The following FOXP4 variants were observed in gnomAD, a reference collection of about 807,000 sequenced individuals.
The protein encoded by FOXP4 is forkhead box protein P4.
FOXP4 carries 25 observed loss-of-function variants against 82.6 expected under a neutral mutation model. That is an observed-to-expected ratio of 0.30 (90% CI 0.22 to 0.42). The LOEUF is 0.42. Ranked by LOEUF, FOXP4 falls within the 10% of genes least tolerant of loss-of-function variation. FOXP4 has a pLI of 1.00. For synonymous variants in FOXP4, 415 were observed against 388.2 expected, an observed-to-expected ratio of 1.07 and a Z score of -0.81; for missense variants, 785 against 900.9, an observed-to-expected ratio of 0.87 and a Z score of 1.65.
At chr6:41,574,701 G>A (rs1290751939) in intron 2 of FOXP4, among the ~76,000 whole-genome samples, 2 of 152,180 alleles carry the variant, frequency 1.3e-5, no homozygotes, top group Admixed American at 1.3e-4. Flanking sequence ...ACGTCTCTCT[G>A]AGGTGGGCAG....
Position 41,589,853 on chromosome 6 carries a change from C to T in FOXP4, c.1148C>T (p.Pro383Leu), listed in dbSNP as rs1290474448. 2.5e-6 allele frequency: 4 copies of T among 1,611,164 alleles called. 1 individual carries two copies. Among genetic ancestry groups the T allele is most frequent in the Admixed American group, 3.3e-5 (2 of 60,006 alleles). The change falls in exon 10 of 17, where the codon CCA (proline) becomes CTA (leucine). Residue 383 changes from proline to leucine, a missense_variant and splice_region_variant. Transcript: ENST00000307972. ...TCGGAGCCCAAGCCCTTCAGCCAGC[C>T]AGTGAGTGCTGCTCCCCTCCCCGCC... ...RPSEPKPFSQPLNPVPGSSSF... is the reference protein window; with the variant it reads ...RPSEPKPFSQLLNPVPGSSSF...
intron 2 of FOXP4, among the ~76,000 whole-genome samples, chr6:41,576,054 C>A (rs1294817815): frequency 1.3e-5 from 2 of 151,114 alleles, no homozygotes; most frequent in Non-Finnish European, 3.0e-5. Context: ...CCGCAACCCC[C>A]CCCCCCACCC....
chr6:41,582,585 G>A lies in FOXP4; in HGVS notation c.301-2184G>A, dbSNP rs79328463. 7.6e-3 allele frequency among the ~76,000 whole-genome samples: 1,160 copies of A among 152,348 alleles called. 13 individuals carry two copies. The highest frequency in any genetic ancestry group is 9.9e-3 in the Non-Finnish European group (671 of 68,024). The stretch of plus-strand genomic sequence containing the variant: ...CCTTGGGAGGAGGAAAGAAAGGACA[G>A]TGGTACTTGTTCCATGTCTTTGGAT... On this transcript the variant is annotated intron_variant, in intron 3 of 16. Transcript: ENST00000307972.
intron 1 of FOXP4, among the ~76,000 whole-genome samples, chr6:41,550,756 C>G (rs1763951140): frequency 1.3e-5 from 2 of 152,226 alleles, no homozygotes; most frequent in Non-Finnish European, 2.9e-5. Flanking sequence ...GCACACAACC[C>G]TGGAGCATTC....
chr6:41,584,429 A>G (rs1354582194), intron 3 of FOXP4, among the ~76,000 whole-genome samples: 2 of 152,210 alleles, frequency 1.3e-5, no homozygotes, highest in South Asian at 4.1e-4. Flanking sequence ...ACTACAGCCT[A>G]ATCTTCCTGC....
At chr6:41,584,987 G>C in intron 4 of FOXP4, 96 bp downstream of exon 4, 1 of 1,438,552 alleles carries the variant, frequency 7.0e-7, no homozygotes. Flanking sequence ...AGCTGTCCCA[G>C]AAACCAGAGA....
intron 13 of FOXP4, among the ~76,000 whole-genome samples, chr6:41,594,536 C>T (rs1766710301): frequency 6.6e-6 from 1 of 152,174 alleles, no homozygotes; most frequent in Non-Finnish European, 1.5e-5. Flanking sequence ...TTACATGTGT[C>T]TTTGATTAAC....
intron 1 of FOXP4, chr6:41,548,658 C>T (rs556003872): frequency 4.6e-5 from 7 of 152,366 alleles, no homozygotes; most frequent in East Asian, 1.9e-4. Flanking sequence ...CTGCGGGCAC[C>T]GGGCATTTTG....
At chr6:41,595,490 G>T (rs1766779397) in intron 14 of FOXP4, among the ~76,000 whole-genome samples, 1 of 152,260 alleles carries the variant, frequency 6.6e-6, no homozygotes, top group African/African-American at 2.4e-5. Flanking sequence ...TGGCAGAGCT[G>T]GTTCCAGGAC....
chr6:41,586,805 C>T (rs1444379898), intron 5 of FOXP4, among the ~76,000 whole-genome samples: 1 of 152,154 alleles, frequency 6.6e-6, no homozygotes, highest in Non-Finnish European at 1.5e-5. Context: ...TGCGTGCGTG[C>T]GTGCATGCGT....
chr6:41,575,883 GT>G (rs1210171844), intron 2 of FOXP4, among the ~76,000 whole-genome samples: 1 of 151,520 alleles, frequency 6.6e-6, no homozygotes, highest in Non-Finnish European at 1.5e-5. Context: ...CCCTACCCTT[GT>G]GCCCTGGCCT....
chr6:41,589,942 T>A (rs1159587172), intron 10 of FOXP4, 21 bp from the exon 11 acceptor site: 1 of 1,613,296 alleles, frequency 6.2e-7, no homozygotes, highest in East Asian at 2.2e-5. Flanking sequence ...CTGGTCTCAG[T>A]ACCCTCCCCG....
At chr6:41,548,829 T>C (rs865778738) in intron 1 of FOXP4, among the ~76,000 whole-genome samples, 1 of 88,906 alleles carries the variant, frequency 1.1e-5, no homozygotes, top group Non-Finnish European at 2.5e-5. Flanking sequence ...AAGGCCTTTT[T>C]TTTTTTTTTT....
chr6:41,570,117 C>T (rs1206446356), intron 2 of FOXP4: 4 of 350,924 alleles, frequency 1.1e-5, no homozygotes, highest in South Asian at 4.5e-5. Context: ...CACACACACA[C>T]GCAGTCAACA....
chr6:41,590,122 C>T lies in FOXP4; in HGVS notation c.1309C>T (p.Pro437Ser), dbSNP rs533563759. The T allele has an allele frequency of 3.7e-6, 6 of 1,611,572 alleles. No homozygotes were observed. The East Asian group carries it at 1.1e-4, about 30-fold the overall frequency. ...CTCTGCCTCCCTGCATGGTGGGGGC[C>T]CAGCCCGTCGGAGAAGCAGTGACAA... ...LGSASLHGGG[P>S]ARRRSSDKFC... Residue 437 changes from proline to serine, a missense_variant, in exon 11 of 17, where the codon CCA becomes TCA. By Grantham distance (74) the Pro-to-Ser change is moderately conservative. Transcript: ENST00000307972.
intron 1 of FOXP4, among the ~76,000 whole-genome samples, chr6:41,562,994 C>T (rs921087457): frequency 1.3e-5 from 2 of 152,234 alleles, no homozygotes; most frequent in Non-Finnish European, 2.9e-5. Flanking sequence ...CCATTAAGGC[C>T]TGAGACCGAG....
intron 1 of FOXP4, among the ~76,000 whole-genome samples, chr6:41,552,878 A>G (rs1280546439): frequency 2.0e-5 from 3 of 152,136 alleles, no homozygotes; most frequent in Non-Finnish European, 4.4e-5. Flanking sequence ...GTCCCCGGTA[A>G]GCCCACTGCT....
intron 1 of FOXP4, among the ~76,000 whole-genome samples, chr6:41,563,229 T>A (rs772171385): frequency 6.6e-6 from 1 of 152,178 alleles, no homozygotes; most frequent in African/African-American, 2.4e-5. Context: ...GGGATGTGGC[T>A]TCTGTGGACC....
chr6:41,558,587 A>G lies in FOXP4; in HGVS notation c.-16-7158A>G, dbSNP rs1277349316. 6.6e-6 allele frequency among the ~76,000 whole-genome samples: 1 copy of G among 152,178 alleles called. No homozygotes were observed. Among genetic ancestry groups the G allele is most frequent in the Non-Finnish European group, 1.5e-5 (1 of 68,016 alleles). On this transcript the variant is annotated intron_variant, in intron 1 of 16. Transcript: ENST00000307972. The surrounding 1 kb of genome is among the most constrained non-coding windows in gnomAD (Gnocchi z 4.0). ...CTCAGACTGGTGACCTCATTCCTCAATGTCACAAAGGTAGTAAGAGGCCAG... is the reference window on the plus strand; with the variant it reads ...CTCAGACTGGTGACCTCATTCCTCAGTGTCACAAAGGTAGTAAGAGGCCAG...
Sources: gnomAD v4.1 joint callset for allele counts (sites outside exome capture counted in the v4.1 genomes callset) on GRCh38, gnomAD v4.1.1 for gene constraint, Gnocchi (gnomAD v3.1) non-coding constraint, MANE v1.5 for transcripts, NCBI Gene and HGNC (gene_info 2026-07-23, HGNC 2026-07-21) for gene names.